Variants in TMCO6 observed in about 807,000 individuals in gnomAD.
The protein encoded by TMCO6 is transmembrane and coiled-coil domain-containing protein 6.
A neutral mutation model predicts 61.8 loss-of-function variants in TMCO6; 47 were observed. The ratio of observed to expected loss-of-function variants is 0.76; its 90% confidence interval spans 0.60 to 0.97. The LOEUF (loss-of-function observed/expected upper bound fraction) is 0.97, where lower values mean the gene tolerates loss of function less well. Ranked by LOEUF, TMCO6 falls within the 50% of genes least tolerant of loss-of-function variation. TMCO6 has a pLI of 0.00. For missense variants in TMCO6, 557 were observed against 601.6 expected, an observed-to-expected ratio of 0.93 and a Z score of 0.78; for synonymous variants, 261 against 254.2, an observed-to-expected ratio of 1.03 and a Z score of -0.25.
Position 140,645,074 on chromosome 5 carries a change from C to T in TMCO6, c.1458C>T (p.Leu486=). 1 of 1,614,160 alleles carries T rather than the reference C, an allele frequency of 6.2e-7. No homozygotes were observed. ...EAQLQDRVYA[L]QQTALQG ...AGCTCCAGGATCGTGTGTATGCTCT[C>T]CAGCAGACAGCTCTTCAAGGGTGAT... The change falls in exon 12 of 12, where the codon CTC becomes CTT. Residue 486 remains leucine (L), a synonymous_variant. Transcript: ENST00000394671.
intron 6 of TMCO6, 106 bp from the exon 7 acceptor site, chr5:140,642,819 C>T: frequency 6.3e-7 from 1 of 1,598,334 alleles, no homozygotes; most frequent in Admixed American, 1.7e-5. Context: ...ACTTTCCCAT[C>T]TGGGCAGGGC....
chr5:140,619,166 C>T, the TMCO6 span, among the ~76,000 whole-genome samples: 1 of 152,156 alleles, frequency 6.6e-6, no homozygotes, highest in African/African-American at 2.4e-5. Context: ...TGGGCAAAGA[C>T]TTTAATAGAC....
At chr5:140,596,653 C>T in the TMCO6 span, among the ~76,000 whole-genome samples, 2 of 152,228 alleles carry the variant, frequency 1.3e-5, no homozygotes, top group African/African-American at 4.8e-5. Context: ...CTGGCTGGAA[C>T]AGCCTGGGCT....
upstream of TMCO6, among the ~76,000 whole-genome samples, chr5:140,637,308 T>C (rs1279578397): frequency 6.6e-6 from 1 of 152,216 alleles, no homozygotes; most frequent in African/African-American, 2.4e-5. Flanking sequence ...GGTTTTTTAT[T>C]CACTAGTGTT....
At chr5:140,602,163 A>G in the TMCO6 span, among the ~76,000 whole-genome samples, 1 of 152,130 alleles carries the variant, frequency 6.6e-6, no homozygotes, top group African/African-American at 2.4e-5. Flanking sequence ...TCACACCTCC[A>G]AGGCTTTGCC....
chr5:140,606,948 T>A, the TMCO6 span, among the ~76,000 whole-genome samples: 1 of 151,126 alleles, frequency 6.6e-6, no homozygotes, highest in Non-Finnish European at 1.5e-5. Context: ...GGCTAATGTG[T>A]GTGGTTTGTG....
chr5:140,605,475 T>C, the TMCO6 span, among the ~76,000 whole-genome samples: 1 of 151,478 alleles, frequency 6.6e-6, no homozygotes, highest in South Asian at 2.1e-4. Flanking sequence ...AGGTCAGGAG[T>C]TCGAGACCAG....
At chr5:140,612,628 C>T in the TMCO6 span, among the ~76,000 whole-genome samples, 14 of 152,098 alleles carry the variant, frequency 9.2e-5, no homozygotes, top group African/African-American at 2.7e-4. Context: ...CGTGAGCCAC[C>T]GCTCCAGGCC....
chr5:140,625,885 G>T, the TMCO6 span, among the ~76,000 whole-genome samples: 21 of 152,296 alleles, frequency 1.4e-4, no homozygotes, highest in Admixed American at 3.3e-4. Context: ...GACAGTAGAG[G>T]AGGCATAGGG....
chr5:140,629,281 AAAAC>A, the TMCO6 span, among the ~76,000 whole-genome samples: 1 of 151,970 alleles, frequency 6.6e-6, no homozygotes. Context: ...AAAACAAAAC[AAAAC>A]AAACAAAACC....
At position 140,641,909 on chromosome 5, in the gene TMCO6, C is replaced by T; in HGVS notation, c.354C>T (p.Thr118=). Residue 118 remains threonine (T), a synonymous_variant, in exon 4 of 12, where the codon ACC becomes ACT. Coordinates refer to ENST00000394671, the MANE Select transcript of TMCO6 (RefSeq NM_018502.5). ...TGCGGACCCTGGTCGGGCTCCTGAC[C>T]AGCAACCAGGCCCTGCTGCAGCTTG... ...GSMRTLVGLL[T]SNQALLQLEA... The T allele has an allele frequency of 6.2e-7, 1 of 1,613,334 alleles. No homozygotes were observed. Among genetic ancestry groups the T allele is most frequent in the Middle Eastern group, 1.7e-4 (1 of 6,060 alleles).
the TMCO6 span, among the ~76,000 whole-genome samples, chr5:140,626,962 T>C: frequency 1.3e-3 from 197 of 152,348 alleles, 1 homozygote; most frequent in African/African-American, 4.4e-3. Flanking sequence ...TTAGCCAGTA[T>C]GTCCACAGAC....
the TMCO6 span, among the ~76,000 whole-genome samples, chr5:140,613,592 G>A: frequency 1.3e-5 from 2 of 151,944 alleles, no homozygotes; most frequent in Non-Finnish European, 2.9e-5. Flanking sequence ...TGTGAACTAG[G>A]TACCAGTCCC....
chr5:140,625,672 G>A, the TMCO6 span, among the ~76,000 whole-genome samples: 1 of 152,146 alleles, frequency 6.6e-6, no homozygotes, highest in Non-Finnish European at 1.5e-5. Context: ...TTAAGAGCAG[G>A]AACTTTTGTC....
intron 10 of TMCO6, 65 bp downstream of exon 10, chr5:140,644,259 G>A (rs1757246333): frequency 5.9e-6 from 9 of 1,528,148 alleles, no homozygotes; most frequent in African/African-American, 4.1e-5. Context: ...GCAGTCCTGA[G>A]CCCTCAGATG....
chr5:140,612,095 G>T, the TMCO6 span, among the ~76,000 whole-genome samples: 1 of 152,100 alleles, frequency 6.6e-6, no homozygotes, highest in Non-Finnish European at 1.5e-5. Context: ...GACAGAGCAG[G>T]AGCAAAAGAG....
At chr5:140,640,748 GTTATT>G (rs1756975643) in intron 2 of TMCO6, among the ~76,000 whole-genome samples, 1 of 152,112 alleles carries the variant, frequency 6.6e-6, no homozygotes, top group Admixed American at 6.5e-5. Flanking sequence ...TTTGTCTATT[GTTATT>G]TCTCCAACTA....
At chr5:140,615,036 C>T in the TMCO6 span, among the ~76,000 whole-genome samples, 6 of 152,150 alleles carry the variant, frequency 3.9e-5, no homozygotes, top group African/African-American at 1.4e-4. Flanking sequence ...ATGACATGAT[C>T]TTATATGTAG....
Position 140,641,664 on chromosome 5 carries a change from G to T in TMCO6, c.199-1G>T. 6.2e-7 allele frequency: 1 copy of T among 1,613,144 alleles called. No homozygotes were observed. Among genetic ancestry groups the T allele is most frequent in the South Asian group, 1.1e-5 (1 of 91,044 alleles). ...TCTCCTTTCCCTGCCCTGAACTCCA[G>T]GTGCAGCAGTTCCTGCGGCAAGCCC... On this transcript the variant is annotated splice_acceptor_variant, in intron 2 of 11. Transcript: ENST00000394671. LOFTEE classifies it high-confidence loss of function.
Sources: gnomAD v4.1 joint callset for allele counts (sites outside exome capture counted in the v4.1 genomes callset) on GRCh38, gnomAD v4.1.1 for gene constraint, MANE v1.5 for transcripts, NCBI Gene and HGNC (gene_info 2026-07-23, HGNC 2026-07-21) for gene names.